Variants in CDH13 observed in about 807,000 individuals in gnomAD.
CDH13 encodes the protein cadherin 13.
In CDH13, 24 loss-of-function variants were observed where a neutral mutation model predicts 63.8. That is an observed-to-expected ratio of 0.38 (90% confidence interval 0.27 to 0.53). The LOEUF is 0.53. Among genes scored for constraint, CDH13 ranks in the 20% least tolerant of loss-of-function variants. The probability of loss-of-function intolerance (pLI) is 0.85; values close to 1 mark genes in which losing one functional copy is unlikely to be tolerated. For missense variants in CDH13, 1,049 were observed against 903.1 expected (o/e 1.16, Z -2.07); for synonymous variants, 503 against 355.3 (o/e 1.42, Z -4.67).
chr16:82,779,269 C>T (rs1333235480), intron 1 of CDH13, among the ~76,000 whole-genome samples: 2 of 152,110 alleles, frequency 1.3e-5, no homozygotes, highest in African/African-American at 2.4e-5. Context: ...AGGGACATGT[C>T]CAAGATCACA....
At chr16:82,744,015 G>A (rs1426633429) in intron 1 of CDH13, among the ~76,000 whole-genome samples, 1 of 152,172 alleles carries the variant, frequency 6.6e-6, no homozygotes, top group Non-Finnish European at 1.5e-5. Flanking sequence ...ATGGATAAGG[G>A]ATCCCATTTT....
At chr16:83,241,240 C>T (rs1904415698) in intron 5 of CDH13, among the ~76,000 whole-genome samples, 2 of 152,142 alleles carry the variant, frequency 1.3e-5, no homozygotes, top group Non-Finnish European at 2.9e-5. Flanking sequence ...ATTCATCTAT[C>T]AGTGGACATT....
At chr16:82,968,544 G>A (rs892990531) in intron 2 of CDH13, among the ~76,000 whole-genome samples, 4 of 152,116 alleles carry the variant, frequency 2.6e-5, no homozygotes, top group Admixed American at 1.3e-4. Context: ...AACACTTCAT[G>A]CTTTTTGGTT....
At chr16:83,117,429 C>T (rs910943075) in intron 3 of CDH13, among the ~76,000 whole-genome samples, 1 of 152,062 alleles carries the variant, frequency 6.6e-6, no homozygotes, top group Non-Finnish European at 1.5e-5. Context: ...CCGCTTCTTG[C>T]CTCCCTGTCT....
At chr16:83,427,365 T>C (rs559220495) in intron 6 of CDH13, among the ~76,000 whole-genome samples, 38 of 152,156 alleles carry the variant, frequency 2.5e-4, no homozygotes, top group Non-Finnish European at 4.4e-4. Context: ...GAGAAAGAGA[T>C]GTGGCAATGG....
At chr16:82,966,457 AT>A (rs1567701838) in intron 2 of CDH13, among the ~76,000 whole-genome samples, 1 of 151,994 alleles carries the variant, frequency 6.6e-6, no homozygotes, top group Non-Finnish European at 1.5e-5. Context: ...TATTTTTCCT[AT>A]TTTATTAATG....
At chr16:83,013,209 G>A (rs947574096) in intron 2 of CDH13, among the ~76,000 whole-genome samples, 1 of 152,236 alleles carries the variant, frequency 6.6e-6, no homozygotes, top group Non-Finnish European at 1.5e-5. Flanking sequence ...CAGTTCAAAA[G>A]CAGCCATATA....
intron 2 of CDH13, among the ~76,000 whole-genome samples, chr16:82,931,974 C>A (rs1364725858): frequency 6.6e-6 from 1 of 152,066 alleles, no homozygotes; most frequent in Non-Finnish European, 1.5e-5. Flanking sequence ...GTTCAGAAAG[C>A]ATCTTCAGAA....
intron 7 of CDH13, among the ~76,000 whole-genome samples, chr16:83,596,045 T>C (rs954940111): frequency 1.3e-5 from 2 of 152,228 alleles, no homozygotes; most frequent in Non-Finnish European, 2.9e-5. Context: ...GAGTTGCAGT[T>C]GATTACATTC....
intron 1 of CDH13, among the ~76,000 whole-genome samples, chr16:82,678,640 C>T (rs1235207307): frequency 6.6e-6 from 1 of 152,108 alleles, no homozygotes; most frequent in African/African-American, 2.4e-5. Flanking sequence ...TTGGATCTTT[C>T]CTTGAAGCTA....
intron 2 of CDH13, among the ~76,000 whole-genome samples, chr16:82,871,909 T>C (rs533238228): frequency 6.6e-6 from 1 of 152,300 alleles, no homozygotes; most frequent in Admixed American, 6.5e-5. Context: ...GAGCATCTGT[T>C]TTCCCAGTGT....
intron 6 of CDH13, among the ~76,000 whole-genome samples, chr16:83,479,936 C>T (rs574831543): frequency 1.3e-5 from 2 of 152,238 alleles, no homozygotes; most frequent in Admixed American, 1.3e-4. Context: ...TGAAAATATT[C>T]TTGGGGGAAG....
At chr16:82,725,542 A>C (rs1272260923) in intron 1 of CDH13, among the ~76,000 whole-genome samples, 1 of 152,212 alleles carries the variant, frequency 6.6e-6, no homozygotes, top group Non-Finnish European at 1.5e-5. Context: ...GGAATGGTAA[A>C]ATGATCTGCA....
intron 5 of CDH13, among the ~76,000 whole-genome samples, chr16:83,223,558 T>C (rs1433347789): frequency 6.6e-6 from 1 of 152,212 alleles, no homozygotes; most frequent in Non-Finnish European, 1.5e-5. Context: ...CAACTGGATG[T>C]GGCAGCCCTG....
chr16:82,944,798 CAG>C (rs1904512834), intron 2 of CDH13, among the ~76,000 whole-genome samples: 1 of 152,108 alleles, frequency 6.6e-6, no homozygotes, highest in South Asian at 2.1e-4. Flanking sequence ...GAGAGACAGA[CAG>C]AGACTGATAC....
intron 1 of CDH13, among the ~76,000 whole-genome samples, chr16:82,736,844 G>C (rs1358063080): frequency 6.6e-6 from 1 of 152,062 alleles, no homozygotes; most frequent in Non-Finnish European, 1.5e-5. Flanking sequence ...TCCCACACCT[G>C]GTCAGATGGC....
chr16:83,097,040 G>A (rs1322457712), intron 3 of CDH13, among the ~76,000 whole-genome samples: 1 of 152,252 alleles, frequency 6.6e-6, no homozygotes, highest in African/African-American at 2.4e-5. Flanking sequence ...GAGACTCAAA[G>A]CAATACCACT....
chr16:82,762,599 C>G (rs548658333), intron 1 of CDH13, among the ~76,000 whole-genome samples: 2 of 152,194 alleles, frequency 1.3e-5, no homozygotes, highest in African/African-American at 4.8e-5. Context: ...TCTTGGTGTT[C>G]TTGGTGATGG....
chr16:82,987,332 A>G (rs72792116), intron 2 of CDH13, among the ~76,000 whole-genome samples: 1 of 152,050 alleles, frequency 6.6e-6, no homozygotes, highest in Non-Finnish European at 1.5e-5. Flanking sequence ...CCTCATTGGC[A>G]TGAATCAGCC....
Sources: gnomAD v4.1 joint callset for allele counts (sites outside exome capture counted in the v4.1 genomes callset) on GRCh38, gnomAD v4.1.1 for gene constraint, MANE v1.5 for transcripts, NCBI Gene and HGNC (gene_info 2026-07-23, HGNC 2026-07-21) for gene names.